Variants in NUP205 observed in about 807,000 individuals in gnomAD.
NUP205 encodes the protein nuclear pore complex protein Nup205.
Under a neutral mutation model 253.8 loss-of-function variants are expected in NUP205, and 76 were observed. The ratio of observed to expected loss-of-function variants is 0.30; its 90% CI spans 0.25 to 0.36. The LOEUF (loss-of-function observed/expected upper bound fraction) is 0.36. Among genes scored for constraint, NUP205 ranks in the 10% least tolerant of loss-of-function variants. The pLI, the probability that NUP205 is intolerant of heterozygous loss-of-function variation, is 1.00. For synonymous variants in NUP205, 832 were observed against 850.1 expected (o/e 0.98, Z 0.37); for missense variants, 2,162 against 2,425.5 (o/e 0.89, Z 2.28).
At chr7:135,573,288 G>A (rs1421981953) in intron 2 of NUP205, among the ~76,000 whole-genome samples, 1 of 152,136 alleles carries the variant, frequency 6.6e-6, no homozygotes, top group Non-Finnish European at 1.5e-5. Flanking sequence ...GCTCTGCTAA[G>A]TAATTAAACA....
At chr7:135,606,700 AC>A in intron 20 of NUP205, 50 bp from the exon 21 acceptor site, 2 of 1,435,082 alleles carry the variant, frequency 1.4e-6, no homozygotes, top group Non-Finnish European at 2.0e-6. Context: ...TATTTGACTT[AC>A]GTTAACTTTC....
intron 38 of NUP205, among the ~76,000 whole-genome samples, chr7:135,642,083 C>T (rs1794923965): frequency 6.6e-6 from 1 of 151,656 alleles, no homozygotes; most frequent in African/African-American, 2.4e-5. Flanking sequence ...GGTGAAACCC[C>T]ATCTCTACTA....
At chr7:135,611,131 A>G (rs868771921) in intron 22 of NUP205, among the ~76,000 whole-genome samples, 32 of 151,014 alleles carry the variant, frequency 2.1e-4, no homozygotes, top group African/African-American at 7.1e-4. Context: ...TCAGTCTCCC[A>G]AGTAGCTGGG....
chr7:135,633,510 A>ATG lies in NUP205; in HGVS notation c.5060-2061_5060-2060dup, dbSNP rs928186864. ...TGGCATTTAATAATTTTGTGTGTATATGTGTGTGTGTACTTATCTGTTTAC... is the reference window on the plus strand; with the variant it reads ...TGGCATTTAATAATTTTGTGTGTATATGTGTGTGTGTGTACTTATCTGTTTAC... On this transcript the variant is annotated intron_variant, in intron 35 of 42. Transcript: ENST00000285968. 2.6e-5 allele frequency among the ~76,000 whole-genome samples: 4 copies of ATG among 152,270 alleles called. No individual in the cohort carries two copies. In the East Asian group the frequency reaches 7.7e-4, roughly 29 times the overall value.
At chr7:135,601,788 T>C (rs1793971618) in intron 17 of NUP205, among the ~76,000 whole-genome samples, 1 of 152,182 alleles carries the variant, frequency 6.6e-6, no homozygotes, top group Non-Finnish European at 1.5e-5. Context: ...ATCCCTAACT[T>C]TAAAGTACTT....
In NUP205 at chr7:135,587,575, G is replaced by A; in HGVS notation, c.1219G>A (p.Val407Met). ...TDFLALMPMK[V>M]KQLRNRADED... ...AAACTATATCTAATAAATTTAATAG[G>A]TGAAACAGCTGAGGAATCGGGCAGA... The change falls in exon 9 of 43, where the codon GTG (valine) becomes ATG (methionine). Residue 407 changes from valine (V) to methionine (M), a missense_variant and splice_region_variant. By Grantham distance (21) the Val-to-Met change is conservative. Transcript: ENST00000285968. 1 of 1,580,290 alleles carries A rather than the reference G, an allele frequency of 6.3e-7. No homozygotes were observed. Among genetic ancestry groups the A allele is most frequent in the Non-Finnish European group, 8.6e-7 (1 of 1,161,212 alleles).
Position 135,617,079 on chromosome 7 carries a change from A to T in NUP205, c.3533-11A>T, listed in dbSNP as rs745460872. On this transcript the variant is annotated splice_polypyrimidine_tract_variant and intron_variant, in intron 25 of 42. Transcript: ENST00000285968. ...CCCAAGTAAAATCAAATTACTTTTT[A>T]TTATTTCTAGTACGTCGAAAAATTC... The T allele has an allele frequency of 1.6e-4, 262 of 1,589,008 alleles. No individual in the cohort carries two copies. Among genetic ancestry groups the T allele is most frequent in the Middle Eastern group, 5.0e-4 (3 of 5,982 alleles).
rs1203414149 is a variant in NUP205 at position 135,619,699 on chromosome 7, C to G, written c.4231+9C>G. 6.2e-7 allele frequency: 1 copy of G among 1,606,010 alleles called. No individual in the cohort carries two copies. Among genetic ancestry groups the G allele is most frequent in the African/African-American group, 1.3e-5 (1 of 74,434 alleles). Reference sequence around the variant, plus strand: ...CTTCATTTTGAAGACAGGTTTTTTTCATTTAAATTGTCTATAAATTCTATC... The same window carrying G: ...CTTCATTTTGAAGACAGGTTTTTTTGATTTAAATTGTCTATAAATTCTATC... On this transcript the variant is annotated intron_variant, in intron 29 of 42. Coordinates refer to ENST00000285968, the MANE Select transcript of NUP205 (RefSeq NM_015135.3).
chr7:135,570,050 TATAGAGAGAGAGAGAGAGAGAG>T (rs1805905873), intron 1 of NUP205, among the ~76,000 whole-genome samples: 2 of 88,918 alleles, frequency 2.2e-5, no homozygotes, highest in African/African-American at 4.1e-5. Flanking sequence ...TATATATATA[TATAGAGAGAGAGAGAGAGAGAG>T]AGAGAGAGAG....
At position 135,598,038 on chromosome 7, in the gene NUP205, C is replaced by T. The variant is rs1043953666; in HGVS notation, c.2105C>T (p.Pro702Leu). Residue 702 changes from proline to leucine, a missense_variant, in exon 15 of 43, where the codon CCA becomes CTA. Physicochemically the swap from Pro to Leu is moderately conservative, Grantham distance 98 (BLOSUM62 -3). This residue lies in a region of NUP205 where 892 missense variants were observed against 957.1 expected (regional missense o/e 0.93). Coordinates refer to ENST00000285968, the MANE Select transcript of NUP205 (RefSeq NM_015135.3). ...ATAGAATCCCGGTGTGAAGAATACC[C>T]ATTGACTCGGGCCTTTTGCCAGCTT... ...NEIESRCEEY[P>L]LTRAFCQLIS... 4 of 1,613,928 alleles carry T rather than the reference C, an allele frequency of 2.5e-6. No individual in the cohort carries two copies. Among genetic ancestry groups the T allele is most frequent in the African/African-American group, 1.3e-5 (1 of 74,890 alleles).
intron 13 of NUP205, among the ~76,000 whole-genome samples, chr7:135,595,411 A>G (rs1793802746): frequency 1.3e-5 from 2 of 151,794 alleles, no homozygotes; most frequent in South Asian, 2.1e-4. Context: ...TTTAATAGAG[A>G]TGGGGTTTTG....
chr7:135,614,584 A>G (rs1794313013), intron 23 of NUP205, among the ~76,000 whole-genome samples: 1 of 152,122 alleles, frequency 6.6e-6, no homozygotes. Context: ...TTTTACGAAG[A>G]TTTCTGATTT....
At chr7:135,573,417 A>AT (rs1806056455) in intron 2 of NUP205, among the ~76,000 whole-genome samples, 1 of 152,144 alleles carries the variant, frequency 6.6e-6, no homozygotes, top group Admixed American at 6.5e-5. Context: ...TTTTCTCCAA[A>AT]TTTTTCAGAT....
intron 31 of NUP205, among the ~76,000 whole-genome samples, chr7:135,623,775 CTTTGTTTG>C (rs569422146): frequency 3.9e-5 from 6 of 152,060 alleles, no homozygotes; most frequent in African/African-American, 7.2e-5. Flanking sequence ...AGTTACGTTT[CTTTGTTTG>C]TTTGTTTGTT....
At chr7:135,617,402 A>G (rs930388984) in intron 26 of NUP205, among the ~76,000 whole-genome samples, 155 bp downstream of exon 26, 6 of 152,190 alleles carry the variant, frequency 3.9e-5, no homozygotes, top group Non-Finnish European at 7.3e-5. Context: ...TATCCCTGAA[A>G]TAAAACTTAA....
rs750197934 is a variant in NUP205 at position 135,598,070 on chromosome 7, A to T, written c.2137A>T (p.Thr713Ser). The change falls in exon 15 of 43, where the codon ACT (threonine) becomes TCT (serine). Residue 713 changes from threonine to serine, a missense_variant. By Grantham distance (58) the Thr-to-Ser change is moderately conservative. Coordinates refer to ENST00000285968, the MANE Select transcript of NUP205 (RefSeq NM_015135.3). ...LTRAFCQLIS[T>S]LVESSFPSNL... ...TCGGGCCTTTTGCCAGCTTATTAGT[A>T]CTCTGGTGGAGAGCTCATTTCCTTC... 3 of 1,613,816 alleles carry T rather than the reference A, an allele frequency of 1.9e-6. No individual in the cohort carries two copies. Among genetic ancestry groups the T allele is most frequent in the South Asian group, 1.1e-5 (1 of 91,078 alleles).
At chr7:135,563,351 C>T (rs1805644987) in intron 1 of NUP205, among the ~76,000 whole-genome samples, 1 of 151,952 alleles carries the variant, frequency 6.6e-6, no homozygotes, top group Admixed American at 6.6e-5. Context: ...TCACGCCTGG[C>T]TAATTTTTTG....
rs1363955589 is a variant in NUP205 at position 135,576,875 on chromosome 7, C to G, written c.489-94C>G. 5 of 1,202,218 alleles carry G rather than the reference C, an allele frequency of 4.2e-6. No homozygotes were observed. The East Asian group carries it at 1.0e-4, about 24-fold the overall frequency. 74.5% of individuals were successfully genotyped at this position (1,202,218 alleles called of 1,614,324 possible). On this transcript the variant is annotated intron_variant, in intron 4 of 42. Coordinates refer to ENST00000285968, the MANE Select transcript of NUP205 (RefSeq NM_015135.3). ...CCAGCCTGGGTGACAGAGCAAGGCC[C>G]TGTCTCAAAAAAAGAGCGTTTGCTA... is the stretch of plus-strand genomic sequence containing the variant.
Position 135,606,231 on chromosome 7 carries a change from GC to G in NUP205, c.2905+7del. ...AATTTGTACGTCTGGAAGAGGGTAT[GC>G]CTTAGATTAATGTGCATACACGCAT... On this transcript the variant is annotated splice_donor_region_variant and intron_variant, in intron 20 of 42. Transcript: ENST00000285968. 6.3e-7 allele frequency: 1 copy of G among 1,582,394 alleles called. No homozygotes were observed. The highest frequency in any genetic ancestry group is 8.7e-7 in the Non-Finnish European group (1 of 1,151,428).
Sources: allele counts gnomAD v4.1 joint callset (sites outside exome capture counted in the v4.1 genomes callset), GRCh38; gene constraint gnomAD v4.1.1; regional missense constraint gnomAD v4.1.1; transcripts MANE v1.5; gene names NCBI Gene and HGNC (gene_info 2026-07-23, HGNC 2026-07-21).